TNFRSF13B: variants seen among roughly 807,000 people sequenced by gnomAD.
TNFRSF13B encodes the protein tumor necrosis factor receptor superfamily member 13B.
Under a neutral mutation model 24.0 loss-of-function variants are expected in TNFRSF13B, and 34 were observed. The observed-to-expected ratio is 1.41, with a 90% CI of 1.08 to 1.88. The LOEUF is 1.88. TNFRSF13B is among the 40% of genes most tolerant of loss of function. TNFRSF13B has a pLI of 0.00. For synonymous variants in TNFRSF13B, 173 were observed against 150.3 expected (o/e 1.15, Z -1.10); for missense variants, 415 against 380.8 (o/e 1.09, Z -0.75).
chr17:16,952,731 C>T, intron 1 of TNFRSF13B, 148 bp from the exon 2 acceptor site: 1 of 1,200,440 alleles, frequency 8.3e-7, no homozygotes, highest in Non-Finnish European at 1.2e-6. Context: ...AAGTTGGCTT[C>T]TAGCCCCCAC....
Position 16,948,718 on chromosome 17 carries a change from G to T in TNFRSF13B, c.445+20C>A, listed in dbSNP as rs750905233. ...TCTCACCCTGCGTGACACCATGCAG[G>T]TTTGCCTTGGGTGGCTTACCTGGAC... On this transcript the variant is annotated intron_variant, in intron 3 of 4. Transcript: ENST00000261652. The T allele has an allele frequency of 6.2e-7, 1 of 1,613,376 alleles. No homozygotes were observed. The highest frequency in any genetic ancestry group is 1.1e-5 in the South Asian group (1 of 91,024).
intron 3 of TNFRSF13B, 23 bp downstream of exon 3, chr17:16,948,715 C>G: frequency 1.2e-6 from 2 of 1,613,262 alleles, no homozygotes; most frequent in African/African-American, 1.3e-5. Flanking sequence ...TGACACCATG[C>G]AGGTTTGCCT....
chr17:16,953,451 A>G lies in TNFRSF13B; in HGVS notation c.62-868T>C, dbSNP rs373115296. Reference sequence around the variant, plus strand: ...GTCATTACAGCCCACATGGAGATGTAGGACATTTCCTCACCCCTGAAGCCT... The same window carrying G: ...GTCATTACAGCCCACATGGAGATGTGGGACATTTCCTCACCCCTGAAGCCT... On this transcript the variant is annotated intron_variant, in intron 1 of 4. Transcript: ENST00000261652. Among the ~76,000 whole-genome samples, 9 of 152,334 alleles carry G rather than the reference A, an allele frequency of 5.9e-5. No homozygotes were observed. In the South Asian group the frequency reaches 1.9e-3, roughly 32 times the overall value.
chr17:16,944,239 C>T (rs2087531955), intron 3 of TNFRSF13B, among the ~76,000 whole-genome samples: 1 of 152,226 alleles, frequency 6.6e-6, no homozygotes, highest in South Asian at 2.1e-4. Flanking sequence ...GCACAGTTCT[C>T]TGCTCCTAGC....
chr17:16,953,606 A>T (rs931516478), intron 1 of TNFRSF13B, among the ~76,000 whole-genome samples: 6 of 151,912 alleles, frequency 3.9e-5, no homozygotes, highest in African/African-American at 1.5e-4. Flanking sequence ...GGTGCCTGAG[A>T]CTCATCCATG....
chr17:16,939,918 C>A (rs112327324), intron 4 of TNFRSF13B, 121 bp from the exon 5 acceptor site: 2 of 1,345,994 alleles, frequency 1.5e-6, no homozygotes, highest in Non-Finnish European at 9.8e-7. Flanking sequence ...CAGCGTAGAA[C>A]GCCCCCAGAC....
At chr17:16,966,137 C>G (rs933210215) in intron 1 of TNFRSF13B, among the ~76,000 whole-genome samples, 2 of 151,826 alleles carry the variant, frequency 1.3e-5, no homozygotes, top group African/African-American at 4.8e-5. Context: ...GCCTGTAATC[C>G]CAGCTACTCA....
rs572879762 is a variant in TNFRSF13B, at chr17:16,963,706, C to A, written c.61+8309G>T. On this transcript the variant is annotated intron_variant, in intron 1 of 4. Transcript: ENST00000261652. ...CTGGCACTACAGGTGCCCACCACCA[C>A]GCCTGGCTAATTTTTTTGTATTTTT... 1.0e-3 allele frequency among the ~76,000 whole-genome samples: 156 copies of A among 152,272 alleles called. 1 individual carries two copies. Among genetic ancestry groups the A allele is most frequent in the South Asian group, 2.5e-3 (12 of 4,818 alleles).
At chr17:16,946,676 C>A (rs960916851) in intron 3 of TNFRSF13B, among the ~76,000 whole-genome samples, 2 of 151,852 alleles carry the variant, frequency 1.3e-5, no homozygotes, top group Non-Finnish European at 2.9e-5. Flanking sequence ...CAACCTTCAC[C>A]TCTTGGGTTC....
At chr17:16,941,208 T>C (rs1374183265) in intron 3 of TNFRSF13B, 1 of 985,070 alleles carries the variant, frequency 1.0e-6, no homozygotes, top group Non-Finnish European at 1.2e-6. Context: ...CCAGCTGCTG[T>C]TGGTTGAATC....
chr17:16,940,829 A>C, intron 3 of TNFRSF13B: 10 of 1,275,906 alleles, frequency 7.8e-6, no homozygotes, highest in Non-Finnish European at 1.0e-5. Flanking sequence ...ACAGACGAAC[A>C]GACGATGCTC....
At position 16,939,372 on chromosome 17, in the gene TNFRSF13B, C is replaced by CCCCTCTGTCTCTCTCT. The variant is rs1328812446; in HGVS notation, c.*159_*174dup. The CCCCTCTGTCTCTCTCT allele has an allele frequency of 1.2e-4, 85 of 730,662 alleles. No individual in the cohort carries two copies. Among genetic ancestry groups the CCCCTCTGTCTCTCTCT allele is most frequent in the Middle Eastern group, 3.9e-4 (1 of 2,536 alleles). The allele number at this position is 730,662 out of a possible 1,614,324, so 45.3% of individuals were successfully genotyped here. On this transcript the variant is annotated 3_prime_UTR_variant, in exon 5 of 5. Coordinates refer to ENST00000261652, the MANE Select transcript of TNFRSF13B (RefSeq NM_012452.3). ...GCCTCTTTCCCTCTCTGCCTCTCTT[C>CCCCTCTGTCTCTCTCT]CCCTCTGTCTCTCTCTCCCTCTGTC...
At chr17:16,946,075 G>C (rs756145803) in intron 3 of TNFRSF13B, among the ~76,000 whole-genome samples, 15 of 152,312 alleles carry the variant, frequency 9.8e-5, no homozygotes, top group Middle Eastern at 3.4e-3. Flanking sequence ...CCCCTGACTC[G>C]GGAGAAAGCA....
intron 1 of TNFRSF13B, 115 bp from the exon 2 acceptor site, chr17:16,952,698 C>G: frequency 6.6e-7 from 1 of 1,503,916 alleles, no homozygotes; most frequent in East Asian, 2.4e-5. Flanking sequence ...ACCTTTCTGT[C>G]TGAGGAGCAG....
chr17:16,939,359 C>G lies in TNFRSF13B; in HGVS notation c.*188G>C, dbSNP rs2087488559. 1.5e-6 allele frequency: 1 copy of G among 666,012 alleles called. No homozygotes were observed. Among genetic ancestry groups the G allele is most frequent in the African/African-American group, 1.8e-5 (1 of 54,192 alleles). 41.3% of individuals were successfully genotyped at this position (666,012 alleles called of 1,614,324 possible). A position where few individuals can be genotyped will look rare whatever the true frequency, so the allele number is the denominator to read the frequency against. Reference sequence around the variant, plus strand: ...TCTTTCCTTCTCTGCCTCTTTCCCTCTCTGCCTCTCTTCCCCTCTGTCTCT... The same window carrying G: ...TCTTTCCTTCTCTGCCTCTTTCCCTGTCTGCCTCTCTTCCCCTCTGTCTCT... On this transcript the variant is annotated 3_prime_UTR_variant, in exon 5 of 5. Transcript: ENST00000261652.
chr17:16,944,109 A>G (rs888121508), intron 3 of TNFRSF13B, among the ~76,000 whole-genome samples: 1 of 152,080 alleles, frequency 6.6e-6, no homozygotes, highest in African/African-American at 2.4e-5. Context: ...TTCAAAGCAG[A>G]TCTGGGGTGG....
rs996712040 is a variant in TNFRSF13B at position 16,970,239 on chromosome 17, G to A, written c.61+1776C>T. Reference sequence around the variant, plus strand: ...AATAGAAGCTTGAGAGAGAAGCTTCGTTGATGGAAAGGGAAGAAAGGGAAC... The same window carrying A: ...AATAGAAGCTTGAGAGAGAAGCTTCATTGATGGAAAGGGAAGAAAGGGAAC... On this transcript the variant is annotated intron_variant, in intron 1 of 4. Transcript: ENST00000261652. Among the ~76,000 whole-genome samples, 9 of 152,184 alleles carry A rather than the reference G, an allele frequency of 5.9e-5. No homozygotes were observed. The East Asian group carries it at 1.2e-3, about 20-fold the overall frequency.
At chr17:16,956,992 G>A (rs963533277) in intron 1 of TNFRSF13B, among the ~76,000 whole-genome samples, 1 of 152,048 alleles carries the variant, frequency 6.6e-6, no homozygotes, top group African/African-American at 2.4e-5. Flanking sequence ...GAACCCTAAT[G>A]TAAACGTCGG....
At chr17:16,941,044 TTA>T in intron 3 of TNFRSF13B, 2 of 643,318 alleles carry the variant, frequency 3.1e-6, no homozygotes, top group Non-Finnish European at 4.0e-6. Context: ...TCCTATACAA[TTA>T]GAGTCATCTC....
Sources: allele counts gnomAD v4.1 joint callset (sites outside exome capture counted in the v4.1 genomes callset), GRCh38; gene constraint gnomAD v4.1.1; transcripts MANE v1.5; gene names NCBI Gene and HGNC (gene_info 2026-07-23, HGNC 2026-07-21).